The following GHRHR variants were observed in gnomAD, a reference collection of about 807,000 sequenced individuals.
GHRHR encodes growth hormone releasing hormone receptor.
GHRHR carries 40 observed loss-of-function variants against 58.3 expected under a neutral mutation model. The ratio of observed to expected loss-of-function variants is 0.69; its 90% CI spans 0.53 to 0.89. The LOEUF (loss-of-function observed/expected upper bound fraction) is 0.89, where lower values mean the gene tolerates loss of function less well. Among genes scored for constraint, GHRHR ranks in the 40% least tolerant of loss-of-function variants. The pLI is 0.00. For missense variants in GHRHR, 551 were observed against 541.3 expected (o/e 1.02, Z -0.18); for synonymous variants, 249 against 216.6 (o/e 1.15, Z -1.31).
chr7:30,966,410 G>A (rs1297370300), intron 1 of GHRHR, among the ~76,000 whole-genome samples: 1 of 151,868 alleles, frequency 6.6e-6, no homozygotes, highest in Non-Finnish European at 1.5e-5. Flanking sequence ...GGTGGGGGTG[G>A]GGGCCATGGG....
At chr7:30,975,481 C>CTG (rs1792558524) in intron 9 of GHRHR, among the ~76,000 whole-genome samples, 2 of 152,220 alleles carry the variant, frequency 1.3e-5, no homozygotes, top group African/African-American at 4.8e-5. Context: ...TGAGGGACAT[C>CTG]TGCTTTGTGC....
chr7:30,966,862 T>C (rs996785981), intron 1 of GHRHR, among the ~76,000 whole-genome samples: 3 of 152,146 alleles, frequency 2.0e-5, no homozygotes, highest in Non-Finnish European at 2.9e-5. Context: ...GGCTGGTGTT[T>C]AACTCCTGAC....
intron 10 of GHRHR, 47 bp from the exon 11 acceptor site, chr7:30,976,382 A>G: frequency 6.3e-7 from 1 of 1,590,040 alleles, no homozygotes; most frequent in Non-Finnish European, 8.6e-7. Flanking sequence ...TGCACACGAC[A>G]GTTTCTAATC....
chr7:30,964,006 C>G lies in GHRHR; in HGVS notation c.-63C>G. On this transcript the variant is annotated 5_prime_UTR_variant, in exon 1 of 13. Transcript: ENST00000326139. Reference sequence around the variant, plus strand: ...TGGAAACGGCTGTGTCAGGGGACAGCAGGGGAAGGAAGATAGCCAAGGCTT... The same window carrying G: ...TGGAAACGGCTGTGTCAGGGGACAGGAGGGGAAGGAAGATAGCCAAGGCTT... The G allele has an allele frequency of 7.0e-7, 1 of 1,424,744 alleles. No individual in the cohort carries two copies. 88.3% of individuals were successfully genotyped at this position (1,424,744 alleles called of 1,614,324 possible).
intron 9 of GHRHR, 49 bp from the exon 10 acceptor site, chr7:30,975,728 G>T: frequency 9.0e-7 from 1 of 1,116,344 alleles, no homozygotes; most frequent in Non-Finnish European, 1.4e-6. Flanking sequence ...AGCCACCCAA[G>T]GCTACCCCCT....
intron 9 of GHRHR, among the ~76,000 whole-genome samples, chr7:30,975,432 A>T (rs887309596): frequency 6.6e-6 from 1 of 152,182 alleles, no homozygotes; most frequent in African/African-American, 2.4e-5. Context: ...TGGCTTTGGT[A>T]AATGTACAAA....
At chr7:30,976,378 C>A in intron 10 of GHRHR, 51 bp from the exon 11 acceptor site, 2 of 1,578,658 alleles carry the variant, frequency 1.3e-6, no homozygotes, top group East Asian at 2.2e-5. Context: ...GAAGTGCACA[C>A]GACAGTTTCT....
intron 3 of GHRHR, chr7:30,969,485 C>T (rs1176399007): frequency 6.7e-6 from 4 of 594,484 alleles, no homozygotes; most frequent in African/African-American, 1.9e-5. Context: ...TGCCAAGACA[C>T]CACCAACTGC....
chr7:30,964,845 G>A (rs1218075870), intron 1 of GHRHR, among the ~76,000 whole-genome samples: 3 of 152,182 alleles, frequency 2.0e-5, no homozygotes, highest in Non-Finnish European at 2.9e-5. Flanking sequence ...CTTTCCAGGA[G>A]GTTACTGCAA....
Position 30,971,162 on chromosome 7 carries a change from A to T in GHRHR, c.410A>T (p.His137Leu), listed in dbSNP as rs1311381263. 3.3e-6 allele frequency: 5 copies of T among 1,534,486 alleles called. No individual in the cohort carries two copies. Among genetic ancestry groups the T allele is most frequent in the Non-Finnish European group, 4.4e-6 (5 of 1,128,516 alleles). ...STVKIIYTVG[H>L]SISIVALFVA... ...GTGAAGATTATCTACACCGTGGGCC[A>T]TAGCATCTCTATTGTAGCCCTCTTC... The change falls in exon 5 of 13, where the codon CAT (histidine) becomes CTT (leucine). Residue 137 changes from histidine (H) to leucine (L), a missense_variant. Coordinates refer to ENST00000326139, the MANE Select transcript of GHRHR (RefSeq NM_000823.4).
chr7:30,974,447 C>G lies in GHRHR; in HGVS notation c.770C>G (p.Thr257Ser). The G allele has an allele frequency of 6.2e-7, 1 of 1,612,924 alleles. No homozygotes were observed. Among genetic ancestry groups the G allele is most frequent in the Non-Finnish European group, 8.5e-7 (1 of 1,178,838 alleles). Residue 257 changes from threonine to serine, a missense_variant, in exon 8 of 13, where the codon ACT (threonine) becomes AGT (serine). Thr to Ser is a moderately conservative substitution (Grantham distance 58). Transcript: ENST00000326139. ...LAGWGLPVLFTGTWVSCKLAF... is the reference protein window; with the variant it reads ...LAGWGLPVLFSGTWVSCKLAF... ...CCTGTAGGGCTGCCCGTGCTCTTCA[C>G]TGGCACGTGGGTGAGCTGCAAACTG...
In GHRHR at chr7:30,974,960, T is replaced by C. The variant is rs1481193840; in HGVS notation, c.813-11T>C. On this transcript the variant is annotated splice_polypyrimidine_tract_variant and intron_variant, in intron 8 of 12. Coordinates refer to ENST00000326139, the MANE Select transcript of GHRHR (RefSeq NM_000823.4). ...ACTTTCCAACAACGGCCTTCTTTCC[T>C]CTCTCCCCAGGTGCTGGGACCTGGA... 6.3e-7 allele frequency: 1 copy of C among 1,599,310 alleles called. No individual in the cohort carries two copies. The highest frequency in any genetic ancestry group is 1.1e-5 in the South Asian group (1 of 90,754).
rs201403615 is a variant in GHRHR, at chr7:30,976,524, G to T, written c.1070G>T (p.Arg357Leu). 3 of 1,613,206 alleles carry T rather than the reference G, an allele frequency of 1.9e-6. No homozygotes were observed. The highest frequency in any genetic ancestry group is 1.1e-5 in the South Asian group (1 of 90,950). The change falls in exon 11 of 13, where the codon CGC becomes CTC. Residue 357 changes from arginine (R) to leucine (L), a missense_variant. By Grantham distance (102) the Arg-to-Leu change is moderately radical. Transcript: ENST00000326139. ...CCAGACAATGCTGGCCTGGGCATCC[G>T]CCTCCCCCTGGAGCTGGGACTGGGT... The part of the protein sequence containing the change: ...FLPDNAGLGI[R>L]LPLELGLGSF...
At chr7:30,966,917 C>G (rs1792368823) in intron 1 of GHRHR, among the ~76,000 whole-genome samples, 2 of 152,202 alleles carry the variant, frequency 1.3e-5, no homozygotes, top group Non-Finnish European at 1.5e-5. Context: ...GCTGGGATTA[C>G]AGGCATGAGC....
chr7:30,967,270 T>G (rs1384814896), intron 1 of GHRHR, among the ~76,000 whole-genome samples: 1 of 152,170 alleles, frequency 6.6e-6, no homozygotes, highest in Non-Finnish European at 1.5e-5. Flanking sequence ...GAGAACTTGT[T>G]AAAATACAAA....
chr7:30,972,169 C>T lies in GHRHR; in HGVS notation c.597+74C>T, dbSNP rs34315549. The T allele has an allele frequency of 2.1e-3, 3,269 of 1,535,716 alleles. 96 individuals are homozygous for T. In the East Asian group the frequency reaches 0.051, roughly 24 times the overall value. On this transcript the variant is annotated intron_variant, in intron 6 of 12. Transcript: ENST00000326139. ...AGGATTACAGACCCAGATGTGCCTG[C>T]GTCAGGCTTCCCTGCCCTGTGGGCT...
Sources: allele counts gnomAD v4.1 joint callset (sites outside exome capture counted in the v4.1 genomes callset), GRCh38; gene constraint gnomAD v4.1.1; transcripts MANE v1.5; gene names NCBI Gene and HGNC (gene_info 2026-07-23, HGNC 2026-07-21).